ELP3: variants seen among roughly 807,000 people sequenced by gnomAD.
ELP3 encodes the protein elongator acetyltransferase complex subunit 3.
In ELP3, 56 loss-of-function variants were observed where a neutral mutation model predicts 74.9. The ratio of observed to expected loss-of-function variants is 0.75; its 90% CI spans 0.60 to 0.93. The LOEUF is 0.93. Ranked by LOEUF, ELP3 falls within the 40% of genes least tolerant of loss-of-function variation. The pLI is 0.00. For missense variants in ELP3, 573 were observed against 686.5 expected (o/e 0.83, Z 1.85); for synonymous variants, 222 against 239.8 (o/e 0.93, Z 0.68).
intron 7 of ELP3, among the ~76,000 whole-genome samples, chr8:28,127,477 G>A (rs114201834): frequency 0.036 from 5,411 of 151,648 alleles, 358 homozygotes; most frequent in African/African-American, 0.12. Context: ...TGCTTTCTGG[G>A]GTTTTTTGGT....
intron 14 of ELP3, among the ~76,000 whole-genome samples, chr8:28,168,295 C>G (rs1814386567): frequency 6.6e-6 from 1 of 152,188 alleles, no homozygotes; most frequent in South Asian, 2.1e-4. Context: ...GCTAGTGATA[C>G]TGATTTGGAG....
chr8:28,181,788 G>A (rs2130610538), intron 14 of ELP3, among the ~76,000 whole-genome samples: 1 of 152,320 alleles, frequency 6.6e-6, no homozygotes, highest in African/African-American at 2.4e-5. Flanking sequence ...TCCCTATAGT[G>A]TGGCCTTGAG....
intron 9 of ELP3, among the ~76,000 whole-genome samples, chr8:28,137,316 G>A (rs1450350845): frequency 1.3e-5 from 2 of 152,116 alleles, no homozygotes; most frequent in African/African-American, 4.8e-5. Flanking sequence ...GAAAGTCAGA[G>A]GGGCCTCTCT....
At chr8:28,161,909 TA>T (rs946602999) in intron 13 of ELP3, 87 bp from the exon 14 acceptor site, 1 of 1,319,180 alleles carries the variant, frequency 7.6e-7, no homozygotes, top group African/African-American at 1.5e-5. Flanking sequence ...TAGCAACTAC[TA>T]AAGTATATAG....
At chr8:28,091,199 C>T (rs1189822450), upstream of ELP3, among the ~76,000 whole-genome samples, 1 of 152,142 alleles carries the variant, frequency 6.6e-6, no homozygotes, top group Non-Finnish European at 1.5e-5. Context: ...AGCCACCGCG[C>T]CCGGCCGTAA....
At chr8:28,161,867 C>T (rs1313310009) in intron 13 of ELP3, 130 bp from the exon 14 acceptor site, 1 of 740,898 alleles carries the variant, frequency 1.3e-6, no homozygotes, top group African/African-American at 1.8e-5. Flanking sequence ...TCCTTACTCC[C>T]ATAAGTGGGC....
At chr8:28,134,675 T>A (rs1237864393) in intron 9 of ELP3, among the ~76,000 whole-genome samples, 1 of 152,204 alleles carries the variant, frequency 6.6e-6, no homozygotes, top group Non-Finnish European at 1.5e-5. Flanking sequence ...TAATTAATCT[T>A]CAAAAAAGCG....
chr8:28,142,864 A>AT (rs34494930), intron 10 of ELP3, among the ~76,000 whole-genome samples: 63 of 148,438 alleles, frequency 4.2e-4, no homozygotes, highest in East Asian at 9.8e-4. Context: ...GTTAGAATTC[A>AT]TTTTTTTTTT....
chr8:28,125,313 C>A (rs963339214), intron 7 of ELP3, among the ~76,000 whole-genome samples: 1 of 152,142 alleles, frequency 6.6e-6, no homozygotes, highest in African/African-American at 2.4e-5. Flanking sequence ...TTGGTTTGAA[C>A]AGGTTGAGTA....
intron 13 of ELP3, 47 bp downstream of exon 13, chr8:28,160,503 T>G: frequency 2.6e-6 from 4 of 1,533,016 alleles, no homozygotes; most frequent in Non-Finnish European, 3.6e-6. Context: ...ACTGCCTAAG[T>G]AGGAAAAGAG....
At chr8:28,106,839 C>A in intron 4 of ELP3, 56 bp downstream of exon 4, 1 of 1,309,922 alleles carries the variant, frequency 7.6e-7, no homozygotes, top group Non-Finnish European at 1.1e-6. Context: ...CTAAATATGC[C>A]CCCTCTAGCC....
intron 14 of ELP3, among the ~76,000 whole-genome samples, chr8:28,167,666 CTA>C (rs1351558237): frequency 6.6e-6 from 1 of 152,176 alleles, no homozygotes; most frequent in African/African-American, 2.4e-5. Flanking sequence ...GAGTGTTAGT[CTA>C]TGGCTTCTCA....
rs773033053 is a variant in ELP3, at chr8:28,140,956, C to A, written c.1100+3065C>A. ...AAAACAAGGTTATGTATTAAACAGT[C>A]GACAAAAATATTGTGACCAGGGCCT... On this transcript the variant is annotated intron_variant, in intron 10 of 14. Coordinates refer to ENST00000256398, the MANE Select transcript of ELP3 (RefSeq NM_018091.6). Among the ~76,000 whole-genome samples the A allele has an allele frequency of 2.0e-5, 3 of 152,086 alleles. No homozygotes were observed. The East Asian group carries it at 5.8e-4, about 29-fold the overall frequency.
chr8:28,175,101 A>G (rs1445928717), intron 14 of ELP3, among the ~76,000 whole-genome samples: 1 of 152,116 alleles, frequency 6.6e-6, no homozygotes, highest in African/African-American at 2.4e-5. Flanking sequence ...TTTGACTCAT[A>G]TTGTGATCAT....
chr8:28,093,379 G>T (rs937219556), intron 1 of ELP3, 146 bp downstream of exon 1: 2 of 1,112,010 alleles, frequency 1.8e-6, no homozygotes, highest in African/African-American at 1.6e-5. Flanking sequence ...GTCCATTCTG[G>T]TCCCCGAGCC....
chr8:28,179,127 C>G (rs1240625632), intron 14 of ELP3, among the ~76,000 whole-genome samples: 1 of 152,224 alleles, frequency 6.6e-6, no homozygotes, highest in African/African-American at 2.4e-5. Context: ...GACGCAGCTT[C>G]TGCAGGGCCA....
chr8:28,107,998 C>A (rs1432977341), intron 5 of ELP3, 22 bp downstream of exon 5: 1 of 1,597,932 alleles, frequency 6.3e-7, no homozygotes, highest in South Asian at 1.1e-5. Flanking sequence ...TTGAGGCTGT[C>A]CTGATGAAAT....
intron 10 of ELP3, among the ~76,000 whole-genome samples, chr8:28,144,496 T>A (rs1055571121): frequency 6.6e-6 from 1 of 152,132 alleles, no homozygotes; most frequent in African/African-American, 2.4e-5. Flanking sequence ...GGCACATGCC[T>A]GTAGTCCCAG....
intron 3 of ELP3, among the ~76,000 whole-genome samples, chr8:28,103,384 G>A (rs1811568122): frequency 6.6e-6 from 1 of 152,116 alleles, no homozygotes; most frequent in Non-Finnish European, 1.5e-5. Flanking sequence ...TGACTTGGTA[G>A]CTCATTCTTT....
Sources: gnomAD v4.1 joint callset for allele counts (sites outside exome capture counted in the v4.1 genomes callset) on GRCh38, gnomAD v4.1.1 for gene constraint, MANE v1.5 for transcripts, NCBI Gene and HGNC (gene_info 2026-07-23, HGNC 2026-07-21) for gene names.